Variants in PLOD1 observed in about 807,000 individuals in gnomAD.
The protein encoded by PLOD1 is lysine hydroxylase.
PLOD1 carries 70 observed loss-of-function variants against 94.7 expected under a neutral mutation model. The observed-to-expected ratio is 0.74, with a 90% CI of 0.61 to 0.90. PLOD1 has a LOEUF of 0.90. Among genes scored for constraint, PLOD1 ranks in the 40% least tolerant of loss-of-function variants. PLOD1 has a pLI of 0.00. For synonymous variants in PLOD1, 417 were observed against 400.2 expected, an observed-to-expected ratio of 1.04 and a Z score of -0.50; for missense variants, 905 against 972.7, an observed-to-expected ratio of 0.93 and a Z score of 0.93.
At chr1:11,967,321 G>A (rs1376506466) in intron 16 of PLOD1, among the ~76,000 whole-genome samples, 1 of 152,052 alleles carries the variant, frequency 6.6e-6, no homozygotes, top group Non-Finnish European at 1.5e-5. Context: ...GAGTTGCCTT[G>A]ACCGTAAGCT....
intron 16 of PLOD1, among the ~76,000 whole-genome samples, chr1:11,967,597 G>GTGTGTATATATATATATA (rs1391982281): frequency 6.7e-5 from 4 of 59,780 alleles, no homozygotes; most frequent in Non-Finnish European, 9.9e-5. Flanking sequence ...GTGTGTGTGT[G>GTGTGTATATATATATATA]TATATATATA....
intron 1 of PLOD1, among the ~76,000 whole-genome samples, chr1:11,946,215 T>G (rs1645653819): frequency 6.6e-6 from 1 of 152,192 alleles, no homozygotes; most frequent in Non-Finnish European, 1.5e-5. Context: ...CCAGGCAGGC[T>G]AGCTCCAGAC....
At chr1:11,936,688 A>G (rs891462088) in intron 1 of PLOD1, among the ~76,000 whole-genome samples, 3 of 151,730 alleles carry the variant, frequency 2.0e-5, no homozygotes, top group African/African-American at 4.8e-5. Context: ...ACGCCCAGCT[A>G]ATTTTTGTAT....
At position 11,934,768 on chromosome 1, in the gene PLOD1, C is replaced by T; in HGVS notation, c.-12C>T. On this transcript the variant is annotated 5_prime_UTR_variant, in exon 1 of 19. Coordinates refer to ENST00000196061, the MANE Select transcript of PLOD1 (RefSeq NM_000302.4). ...GCCGCCGGGTCGGCCGATCGTCCCC[C>T]ATACCTCGGCCATGCGGCCCCTGCT... 6.5e-7 allele frequency: 1 copy of T among 1,534,582 alleles called. No homozygotes were observed. Among genetic ancestry groups the T allele is most frequent in the Non-Finnish European group, 8.7e-7 (1 of 1,144,226 alleles).
chr1:11,934,892 C>T (rs1172321857), intron 1 of PLOD1, 37 bp downstream of exon 1: 5 of 1,527,956 alleles, frequency 3.3e-6, no homozygotes, highest in Non-Finnish European at 3.5e-6. Flanking sequence ...AGCGCGGATC[C>T]GGGCGGGAGG....
intron 16 of PLOD1, among the ~76,000 whole-genome samples, chr1:11,968,518 C>CT (rs1359987084): frequency 1.2e-3 from 164 of 141,692 alleles, no homozygotes; most frequent in East Asian, 6.0e-3. Flanking sequence ...TTTCTTTTTT[C>CT]TTTTTTTTTT....
chr1:11,936,001 G>A (rs142119918), intron 1 of PLOD1, among the ~76,000 whole-genome samples: 73 of 152,166 alleles, frequency 4.8e-4, no homozygotes, highest in African/African-American at 1.7e-3. Flanking sequence ...GCTAATTTTT[G>A]TATTTTTGGT....
rs111838178 is a variant in PLOD1, at chr1:11,973,546, G to A, written c.2028+549G>A. 5.5e-3 allele frequency among the ~76,000 whole-genome samples: 831 copies of A among 152,112 alleles called. 7 individuals carry two copies. Among genetic ancestry groups the A allele is most frequent in the African/African-American group, 0.019 (798 of 41,494 alleles). On this transcript the variant is annotated intron_variant, in intron 18 of 18. Coordinates refer to ENST00000196061, the MANE Select transcript of PLOD1 (RefSeq NM_000302.4). ...TTTTGAACTTAGCCCTGGGCTGGGT[G>A]CTGTGGAGAACACTCATAAAAACAG...
Position 11,963,461 on chromosome 1 carries a change from G to C in PLOD1, c.1098-71G>C. On this transcript the variant is annotated intron_variant, in intron 10 of 18. Coordinates refer to ENST00000196061, the MANE Select transcript of PLOD1 (RefSeq NM_000302.4). The surrounding 1 kb of genome is among the most constrained non-coding windows in gnomAD (Gnocchi z 4.3). Reference sequence around the variant, plus strand: ...CTGATATGTGGTGAAGCCAGACTGTGGTCACAGATGTGAGCAGCCACCAGT... The same window carrying C: ...CTGATATGTGGTGAAGCCAGACTGTCGTCACAGATGTGAGCAGCCACCAGT... 1.0e-6 allele frequency: 1 copy of C among 967,760 alleles called. No individual in the cohort carries two copies. The highest frequency in any genetic ancestry group is 1.6e-6 in the Non-Finnish European group (1 of 613,088). 59.9% of individuals were successfully genotyped at this position (967,760 alleles called of 1,614,324 possible).
rs375416784 is a variant in PLOD1, at chr1:11,952,725, C to T, written c.569C>T (p.Pro190Leu). The T allele has an allele frequency of 4.3e-5, 70 of 1,611,260 alleles. No homozygotes were observed. Among genetic ancestry groups the T allele is most frequent in the East Asian group, 3.6e-4 (16 of 44,854 alleles). The change falls in exon 5 of 19, where the codon CCG (proline) becomes CTG (leucine). Residue 190 changes from proline (P) to leucine (L), a missense_variant. Pro to Leu is a moderately conservative substitution (Grantham distance 98, BLOSUM62 -3). Transcript: ENST00000196061. Reference sequence around the variant, plus strand: ...TTTTACACCAAGATCTTCTTGGACCCGGAGAAGAGGGTAAGAGGCAGTGGG... The same window carrying T: ...TTTTACACCAAGATCTTCTTGGACCTGGAGAAGAGGGTAAGAGGCAGTGGG... ...QLFYTKIFLD[P>L]EKREQINITL...
Position 11,963,713 on chromosome 1 carries a change from C to A in PLOD1, c.1202+77C>A, listed in dbSNP as rs1645795180. The A allele has an allele frequency of 2.5e-6, 2 of 813,254 alleles. No individual in the cohort carries two copies. The highest frequency in any genetic ancestry group is 2.1e-6 in the Non-Finnish European group (1 of 473,968). 50.4% of individuals were successfully genotyped at this position (813,254 alleles called of 1,614,324 possible). A position where few individuals can be genotyped will look rare whatever the true frequency, so the allele number is the denominator to read the frequency against. ...GGGTGGCAGCCCTCCTTGCCTTCCT[C>A]CTCCTCCTCCTCATCCACCTCCTCT... On this transcript the variant is annotated intron_variant, in intron 11 of 18. Coordinates refer to ENST00000196061, the MANE Select transcript of PLOD1 (RefSeq NM_000302.4). The surrounding 1 kb of genome is among the most constrained non-coding windows in gnomAD (Gnocchi z 4.3).
chr1:11,939,160 T>C (rs1645598912), intron 1 of PLOD1, among the ~76,000 whole-genome samples: 1 of 152,090 alleles, frequency 6.6e-6, no homozygotes, highest in South Asian at 2.1e-4. Flanking sequence ...GGTCATGCTG[T>C]TCCCTACTAG....
intron 9 of PLOD1, among the ~76,000 whole-genome samples, chr1:11,959,762 CG>C (rs1645765040): frequency 6.6e-6 from 1 of 150,616 alleles, no homozygotes; most frequent in African/African-American, 2.4e-5. Context: ...GGATTACAGG[CG>C]CCTGCCACCG....
Position 11,958,016 on chromosome 1 carries a change from T to C in PLOD1, c.843+73T>C. Reference sequence around the variant, plus strand: ...CCCCTGAGATGGCGAGATGGGTGATTCTGGAATAGACTCCATTGTCTTTGG... The same window carrying C: ...CCCCTGAGATGGCGAGATGGGTGATCCTGGAATAGACTCCATTGTCTTTGG... On this transcript the variant is annotated intron_variant, in intron 8 of 18. Transcript: ENST00000196061. This position sits in a 1 kb window ranked among gnomAD's most constrained non-coding sequence, Gnocchi z 4.3. The C allele has an allele frequency of 2.1e-6, 2 of 967,870 alleles. No homozygotes were observed. Among genetic ancestry groups the C allele is most frequent in the Non-Finnish European group, 3.4e-6 (2 of 591,084 alleles). The allele number at this position is 967,870 out of a possible 1,614,324, so 60.0% of individuals were successfully genotyped here.
chr1:11,952,654 A>G lies in PLOD1; in HGVS notation c.498A>G (p.Lys166=), dbSNP rs1290621264. 6 of 1,613,898 alleles carry G rather than the reference A, an allele frequency of 3.7e-6. No individual in the cohort carries two copies. The highest frequency in any genetic ancestry group is 5.1e-6 in the Non-Finnish European group (6 of 1,179,938). The change falls in exon 5 of 19, where the codon AAA becomes AAG. Residue 166 remains lysine, a synonymous_variant. Coordinates refer to ENST00000196061, the MANE Select transcript of PLOD1 (RefSeq NM_000302.4). ...GFIGYAPNLS[K]LVAEWEGQDS... ...TCGGTTATGCCCCCAACCTCAGCAA[A>G]CTGGTGGCCGAGTGGGAGGGCCAGG...
In PLOD1 at chr1:11,967,597, G is replaced by GTA. The variant is rs376492098; in HGVS notation, c.1755+523_1755+524dup. ...TTTTTCTTTTCATGTGTGTGTGTGT[G>GTA]TATATATATATATATATAAAAAGAA... On this transcript the variant is annotated intron_variant, in intron 16 of 18. Coordinates refer to ENST00000196061, the MANE Select transcript of PLOD1 (RefSeq NM_000302.4). 4.9e-3 allele frequency among the ~76,000 whole-genome samples: 290 copies of GTA among 59,770 alleles called. 29 individuals carry two copies. The highest frequency in any genetic ancestry group is 8.3e-3 in the Non-Finnish European group (252 of 30,380). The allele number at this position is 59,770 out of a possible 152,430, so 39.2% of individuals were successfully genotyped here. A position where few individuals can be genotyped will look rare whatever the true frequency, so the allele number is the denominator to read the frequency against.
At chr1:11,946,298 C>G (rs1212817084) in intron 1 of PLOD1, among the ~76,000 whole-genome samples, 1 of 152,162 alleles carries the variant, frequency 6.6e-6, no homozygotes, top group Non-Finnish European at 1.5e-5. Flanking sequence ...CTGAGATGCT[C>G]TCTGGGGAGT....
intron 6 of PLOD1, among the ~76,000 whole-genome samples, chr1:11,955,219 G>A (rs998759113): frequency 6.6e-5 from 10 of 152,246 alleles, no homozygotes; most frequent in Non-Finnish European, 1.2e-4. Flanking sequence ...CACCTTCCAG[G>A]TGAAGGAGTC....
chr1:11,954,909 G>C lies in PLOD1; in HGVS notation c.643+16G>C. ...GGAGCCTTGGGTGAGCAGCCCCCAC[G>C]GGGAGGGGTGGATCCTCAGAGGGGT... On this transcript the variant is annotated intron_variant, in intron 6 of 18. Transcript: ENST00000196061. The C allele has an allele frequency of 6.3e-7, 1 of 1,596,380 alleles. No individual in the cohort carries two copies. The highest frequency in any genetic ancestry group is 1.1e-5 in the South Asian group (1 of 90,718).
Sources: gnomAD v4.1 joint callset for allele counts (sites outside exome capture counted in the v4.1 genomes callset) on GRCh38, gnomAD v4.1.1 for gene constraint, Gnocchi (gnomAD v3.1) non-coding constraint, MANE v1.5 for transcripts, NCBI Gene and HGNC (gene_info 2026-07-23, HGNC 2026-07-21) for gene names.